The following DNM3 variants were observed in gnomAD, a reference collection of about 807,000 sequenced individuals.
DNM3 encodes the protein dynamin-3.
Under a neutral mutation model 101.6 loss-of-function variants are expected in DNM3, and 47 were observed. That is an observed-to-expected ratio of 0.46 (90% CI 0.37 to 0.59). The LOEUF is 0.59. Ranked by LOEUF, DNM3 falls within the 20% of genes least tolerant of loss-of-function variation. The probability of loss-of-function intolerance (pLI) is 0.00; values close to 1 mark genes in which losing one functional copy is unlikely to be tolerated. For synonymous variants in DNM3, 385 were observed against 387.9 expected (o/e 0.99, Z 0.09); for missense variants, 849 against 1,085.7 (o/e 0.78, Z 3.06).
rs12088432 is a variant in DNM3 at position 172,408,355 on chromosome 1, G to A, written c.*514G>A. 2.4e-5 allele frequency: 24 copies of A among 986,216 alleles called. 1 individual carries two copies. In the Middle Eastern group the frequency reaches 2.6e-3, roughly 107 times the overall value. 61.1% of individuals were successfully genotyped at this position (986,216 alleles called of 1,614,324 possible). A position where few individuals can be genotyped will look rare whatever the true frequency, so the allele number is the denominator to read the frequency against. ...TCCTTTTTATTTCATAAGACTGCTA[G>A]GAAGTGATTTTTTAAAATTAGGACT... is the stretch of plus-strand genomic sequence containing the variant. On this transcript the variant is annotated 3_prime_UTR_variant, in exon 21 of 21. Coordinates refer to ENST00000627582, the MANE Select transcript of DNM3 (RefSeq NM_015569.5).
At chr1:172,002,598 A>G (rs1177121384) in intron 4 of DNM3, among the ~76,000 whole-genome samples, 1 of 152,120 alleles carries the variant, frequency 6.6e-6, no homozygotes, top group Non-Finnish European at 1.5e-5. Context: ...TTAAAAAAGT[A>G]AATTGAGTCT....
chr1:172,020,448 C>T lies in DNM3; in HGVS notation c.590-11954C>T, dbSNP rs141915780. On this transcript the variant is annotated intron_variant, in intron 4 of 20. Transcript: ENST00000627582. ...TAAGAAGAACAGAATGGACCCCGCG[C>T]GGTGGCTCACGCCTGTAATCCCAGC... is the stretch of plus-strand genomic sequence containing the variant. Among the ~76,000 whole-genome samples the T allele has an allele frequency of 7.4e-3, 1,126 of 152,104 alleles. 16 individuals are homozygous for T. Among genetic ancestry groups the T allele is most frequent in the African/African-American group, 0.026 (1,071 of 41,480 alleles).
intron 15 of DNM3, among the ~76,000 whole-genome samples, chr1:172,291,578 A>G (rs2063917868): frequency 6.6e-6 from 1 of 152,214 alleles, no homozygotes; most frequent in African/African-American, 2.4e-5. Flanking sequence ...ATGAAGCAAG[A>G]TTCTCCATTA....
intron 1 of DNM3, among the ~76,000 whole-genome samples, chr1:171,872,211 C>T (rs1370270135): frequency 6.6e-6 from 1 of 152,136 alleles, no homozygotes; most frequent in East Asian, 1.9e-4. Context: ...TTCTTTATAA[C>T]AGAAAGTTGA....
intron 19 of DNM3, among the ~76,000 whole-genome samples, chr1:172,388,008 C>A (rs1033709163): frequency 6.6e-6 from 1 of 152,066 alleles, no homozygotes; most frequent in Non-Finnish European, 1.5e-5. Flanking sequence ...CCGAGGCAAG[C>A]GGATCACCTA....
intron 1 of DNM3, among the ~76,000 whole-genome samples, chr1:171,904,722 G>A (rs2038667752): frequency 6.6e-6 from 1 of 152,118 alleles, no homozygotes; most frequent in Non-Finnish European, 1.5e-5. Context: ...AGGTCCTTAT[G>A]GTAGGTATGG....
chr1:172,133,905 G>C (rs1476920387), intron 14 of DNM3, among the ~76,000 whole-genome samples: 1 of 152,182 alleles, frequency 6.6e-6, no homozygotes, highest in Non-Finnish European at 1.5e-5. Flanking sequence ...GGCCTTATCA[G>C]TCCCTACCCA....
intron 15 of DNM3, among the ~76,000 whole-genome samples, chr1:172,307,544 A>G (rs550754852): frequency 6.6e-6 from 1 of 152,360 alleles, no homozygotes; most frequent in African/African-American, 2.4e-5. Flanking sequence ...GAAGGATCAT[A>G]AATCATGCTA....
chr1:172,195,253 T>A (rs537934072), intron 14 of DNM3, among the ~76,000 whole-genome samples: 1 of 151,982 alleles, frequency 6.6e-6, no homozygotes, highest in Middle Eastern at 3.2e-3. Flanking sequence ...AGGAAGGCGA[T>A]TGACTTTTGT....
intron 15 of DNM3, among the ~76,000 whole-genome samples, chr1:172,286,075 TA>T (rs2063687875): frequency 6.6e-6 from 1 of 150,540 alleles, no homozygotes; most frequent in Non-Finnish European, 1.5e-5. Context: ...TATTTATATA[TA>T]TATATATATA....
At chr1:171,942,142 T>C (rs931503404) in intron 2 of DNM3, among the ~76,000 whole-genome samples, 5 of 151,638 alleles carry the variant, frequency 3.3e-5, no homozygotes, top group Middle Eastern at 3.4e-3. Flanking sequence ...TTGAGCAAGC[T>C]GTTGGGGAAA....
At chr1:172,082,525 A>C (rs117102152) in intron 12 of DNM3, among the ~76,000 whole-genome samples, 1 of 152,168 alleles carries the variant, frequency 6.6e-6, no homozygotes, top group Non-Finnish European at 1.5e-5. Flanking sequence ...CCTGCCCATT[A>C]GTGAAACCAG....
chr1:172,246,349 T>C (rs1336280689), intron 14 of DNM3, among the ~76,000 whole-genome samples: 2 of 152,054 alleles, frequency 1.3e-5, no homozygotes, highest in African/African-American at 4.8e-5. Flanking sequence ...CACTTTTTAA[T>C]CTATTTAATA....
At chr1:172,285,388 A>G (rs752821498) in intron 15 of DNM3, among the ~76,000 whole-genome samples, 4 of 152,058 alleles carry the variant, frequency 2.6e-5, no homozygotes, top group Non-Finnish European at 5.9e-5. Context: ...CCCCATCCCA[A>G]TCTCACTGAA....
chr1:171,859,280 A>G (rs2033934285), intron 1 of DNM3, among the ~76,000 whole-genome samples: 1 of 152,126 alleles, frequency 6.6e-6, no homozygotes, highest in Non-Finnish European at 1.5e-5. Context: ...GGGATACCCC[A>G]ACTGCCTCCC....
intron 1 of DNM3, among the ~76,000 whole-genome samples, chr1:171,882,750 T>C (rs1558208484): frequency 6.6e-6 from 1 of 152,118 alleles, no homozygotes; most frequent in Non-Finnish European, 1.5e-5. Flanking sequence ...GAAGGGTATA[T>C]GCCACTTGTT....
chr1:172,071,483 A>G (rs1167944018), intron 11 of DNM3, among the ~76,000 whole-genome samples: 1 of 152,154 alleles, frequency 6.6e-6, no homozygotes, highest in Non-Finnish European at 1.5e-5. Context: ...GCCTGGGACC[A>G]TGTGGTACTT....
At chr1:171,893,083 TCCAA>T (rs2037441624) in intron 1 of DNM3, among the ~76,000 whole-genome samples, 1 of 152,196 alleles carries the variant, frequency 6.6e-6, no homozygotes, top group Admixed American at 6.5e-5. Context: ...TCCACTCATT[TCCAA>T]AGTTACTTAG....
In DNM3 at chr1:171,841,529, G is replaced by C. The variant is rs886192557; in HGVS notation, c.-128G>C. 5.4e-5 allele frequency: 71 copies of C among 1,324,278 alleles called. No individual in the cohort carries two copies. In the East Asian group the frequency reaches 1.9e-3, roughly 35 times the overall value. 82.0% of individuals were successfully genotyped at this position (1,324,278 alleles called of 1,614,324 possible). A position where few individuals can be genotyped will look rare whatever the true frequency, so the allele number is the denominator to read the frequency against. ...AAGCGGCGGGCTGGCGGCGGGCTCC[G>C]ACGTCTGCGCCAGGACCTGGCTGGC... On this transcript the variant is annotated 5_prime_UTR_variant, in exon 1 of 21. Transcript: ENST00000627582.
Sources: gnomAD v4.1 joint callset for allele counts (sites outside exome capture counted in the v4.1 genomes callset) on GRCh38, gnomAD v4.1.1 for gene constraint, MANE v1.5 for transcripts, NCBI Gene and HGNC (gene_info 2026-07-23, HGNC 2026-07-21) for gene names.